CADM2: variants seen among roughly 807,000 people sequenced by gnomAD.
CADM2 encodes cell adhesion molecule 2.
A neutral mutation model predicts 49.8 loss-of-function variants in CADM2; 12 were observed. That is an observed-to-expected ratio of 0.24 (90% CI 0.15 to 0.39). The LOEUF (loss-of-function observed/expected upper bound fraction) is 0.39, where lower values mean the gene tolerates loss of function less well. Among genes scored for constraint, CADM2 ranks in the 10% least tolerant of loss-of-function variants. CADM2 has a pLI of 1.00. For missense variants in CADM2, 378 were observed against 492.3 expected (o/e 0.77, Z 2.20); for synonymous variants, 214 against 175.4 (o/e 1.22, Z -1.74).
At chr3:85,760,724 G>A (rs2107899855) in intron 2 of CADM2, among the ~76,000 whole-genome samples, 1 of 152,174 alleles carries the variant, frequency 6.6e-6, no homozygotes, top group South Asian at 2.1e-4. Context: ...AGTTGTTTGA[G>A]AATATCTTGA....
intron 1 of CADM2, among the ~76,000 whole-genome samples, chr3:85,705,560 C>A (rs771803542): frequency 6.6e-6 from 1 of 152,158 alleles, no homozygotes; most frequent in Non-Finnish European, 1.5e-5. Flanking sequence ...TGTATTCCTG[C>A]AAATCTATTG....
intron 1 of CADM2, among the ~76,000 whole-genome samples, chr3:85,696,039 CAT>C (rs2066545690): frequency 6.6e-6 from 1 of 151,954 alleles, no homozygotes; most frequent in African/African-American, 2.4e-5. Flanking sequence ...TAGCATTTTT[CAT>C]ATGTTTATTT....
At chr3:85,894,816 T>C (rs971922462) in intron 5 of CADM2, among the ~76,000 whole-genome samples, 2 of 152,170 alleles carry the variant, frequency 1.3e-5, no homozygotes, top group African/African-American at 2.4e-5. Flanking sequence ...TCCCAAGCCT[T>C]AGTGGCTTAC....
chr3:85,744,511 T>TA (rs1002776793), intron 2 of CADM2, among the ~76,000 whole-genome samples: 102 of 150,994 alleles, frequency 6.8e-4, no homozygotes, highest in Non-Finnish European at 5.3e-4. Context: ...CCACAAAAAA[T>TA]AAAAAAATAT....
At chr3:85,267,758 AT>A (rs2043153293) in intron 1 of CADM2, among the ~76,000 whole-genome samples, 1 of 151,618 alleles carries the variant, frequency 6.6e-6, no homozygotes, top group South Asian at 2.1e-4. Flanking sequence ...CCTAGAGTTT[AT>A]TAGTGATAAC....
intron 1 of CADM2, among the ~76,000 whole-genome samples, chr3:85,461,106 A>G (rs1043740857): frequency 2.6e-5 from 4 of 152,114 alleles, no homozygotes; most frequent in African/African-American, 9.7e-5. Flanking sequence ...GATTTTCCTT[A>G]TATGCTCTGC....
intron 2 of CADM2, among the ~76,000 whole-genome samples, chr3:85,797,279 C>G (rs570706725): frequency 6.6e-6 from 1 of 151,630 alleles, no homozygotes; most frequent in Non-Finnish European, 1.5e-5. Context: ...TTTTTAACTT[C>G]AAGTTCTGGC....
chr3:85,108,636 A>G (rs1054464841), intron 1 of CADM2, among the ~76,000 whole-genome samples: 1 of 152,172 alleles, frequency 6.6e-6, no homozygotes, highest in African/African-American at 2.4e-5. Flanking sequence ...CCACTGAAAC[A>G]TATGCCTAAA....
At chr3:85,596,209 G>C (rs1403720273) in intron 1 of CADM2, among the ~76,000 whole-genome samples, 1 of 151,320 alleles carries the variant, frequency 6.6e-6, no homozygotes, top group Non-Finnish European at 1.5e-5. Flanking sequence ...GTTCAATTAA[G>C]AGTAATTCAT....
intron 1 of CADM2, among the ~76,000 whole-genome samples, chr3:85,152,513 T>C (rs761910058): frequency 1.3e-5 from 2 of 152,210 alleles, no homozygotes; most frequent in Non-Finnish European, 2.9e-5. Context: ...TTTAATGTTT[T>C]AGTTTCTCAA....
At chr3:85,569,277 G>A (rs2062406631) in intron 1 of CADM2, among the ~76,000 whole-genome samples, 1 of 152,074 alleles carries the variant, frequency 6.6e-6, no homozygotes, top group Admixed American at 6.6e-5. Context: ...GCACCTATCA[G>A]CGGCTTGTTT....
At chr3:85,387,689 T>C (rs969618806) in intron 1 of CADM2, among the ~76,000 whole-genome samples, 4 of 152,144 alleles carry the variant, frequency 2.6e-5, no homozygotes, top group African/African-American at 9.7e-5. Flanking sequence ...TTTGCATAGA[T>C]TTGCTATTAT....
chr3:85,362,665 G>T (rs1278625692), intron 1 of CADM2, among the ~76,000 whole-genome samples: 1 of 152,082 alleles, frequency 6.6e-6, no homozygotes. Context: ...TTGGTGAATG[G>T]GGGAGCAAGT....
chr3:85,285,274 A>G (rs937224778), intron 1 of CADM2, among the ~76,000 whole-genome samples: 1 of 152,116 alleles, frequency 6.6e-6, no homozygotes, highest in South Asian at 2.1e-4. Context: ...AGCTTTTGCA[A>G]TGTTCAGCAC....
chr3:85,867,859 T>C lies in CADM2; in HGVS notation c.239-15432T>C, dbSNP rs564614154. ...ATAATCACCACTTCCTTTTCCTTTT[T>C]CTTGTATTTTCTGGAGCCTCATCTA... is the stretch of plus-strand genomic sequence containing the variant. On this transcript the variant is annotated intron_variant, in intron 3 of 9. Transcript: ENST00000383699. Among the ~76,000 whole-genome samples, 3 of 152,184 alleles carry C rather than the reference T, an allele frequency of 2.0e-5. No individual in the cohort carries two copies. In the South Asian group the frequency reaches 6.2e-4, roughly 32 times the overall value.
intron 1 of CADM2, among the ~76,000 whole-genome samples, chr3:85,292,596 A>G (rs2043832061): frequency 6.6e-6 from 1 of 152,028 alleles, no homozygotes; most frequent in African/African-American, 2.4e-5. Flanking sequence ...TATCTCTCAG[A>G]CCACAGTGCA....
At chr3:85,102,026 C>T (rs539871718) in intron 1 of CADM2, among the ~76,000 whole-genome samples, 2 of 152,216 alleles carry the variant, frequency 1.3e-5, no homozygotes, top group South Asian at 4.2e-4. Context: ...TATATTCTCA[C>T]TCAGAAGTCA....
At chr3:85,403,343 CAT>C (rs759652301) in intron 1 of CADM2, among the ~76,000 whole-genome samples, 2 of 152,124 alleles carry the variant, frequency 1.3e-5, no homozygotes, top group Non-Finnish European at 2.9e-5. Flanking sequence ...GGCATCCTCA[CAT>C]GTTAGTGTTC....
intron 5 of CADM2, among the ~76,000 whole-genome samples, chr3:85,898,937 G>GTGTGTGTATATATATATATATATATA (rs796467067): frequency 2.1e-5 from 1 of 46,678 alleles, no homozygotes; most frequent in African/African-American, 1.2e-4. Context: ...CATTTATTGT[G>GTGTGTGTATATATATATATATATATA]TATATATATA....
Sources: allele counts gnomAD v4.1 joint callset (sites outside exome capture counted in the v4.1 genomes callset), GRCh38; gene constraint gnomAD v4.1.1; transcripts MANE v1.5; gene names NCBI Gene and HGNC (gene_info 2026-07-23, HGNC 2026-07-21).